Variants in TMPRSS11F observed in about 807,000 individuals in gnomAD.
The protein encoded by TMPRSS11F is transmembrane serine protease 11F, also known as transmembrane protease serine 11F.
In TMPRSS11F, 47 loss-of-function variants were observed where a neutral mutation model predicts 60.2. That is an observed-to-expected ratio of 0.78 (90% CI 0.62 to 1.00). The LOEUF (loss-of-function observed/expected upper bound fraction) is 1.00, where lower values mean the gene tolerates loss of function less well. TMPRSS11F is among the 50% of genes least tolerant of loss of function. The pLI, the probability that TMPRSS11F is intolerant of heterozygous loss-of-function variation, is 0.00. For synonymous variants in TMPRSS11F, 166 were observed against 167.3 expected, an observed-to-expected ratio of 0.99 and a Z score of 0.06; for missense variants, 519 against 522.9, an observed-to-expected ratio of 0.99 and a Z score of 0.07.
intron 5 of TMPRSS11F, among the ~76,000 whole-genome samples, chr4:68,070,824 A>G (rs1251277628): frequency 1.3e-5 from 2 of 152,222 alleles, no homozygotes; most frequent in Admixed American, 6.5e-5. Flanking sequence ...CTTCTCCCCA[A>G]AAAGGGATGC....
intron 3 of TMPRSS11F, among the ~76,000 whole-genome samples, chr4:68,085,315 C>G (rs1413892790): frequency 6.6e-6 from 1 of 151,688 alleles, no homozygotes; most frequent in Non-Finnish European, 1.5e-5. Context: ...GCCACACTGA[C>G]TTCCACAATG....
At position 68,072,316 on chromosome 4, in the gene TMPRSS11F, GACTT is replaced by G. The variant is rs771081811; in HGVS notation, c.514+3_514+6del. 23 of 1,507,392 alleles carry G rather than the reference GACTT, an allele frequency of 1.5e-5. No homozygotes were observed. Among genetic ancestry groups the G allele is most frequent in the Admixed American group, 1.1e-4 (6 of 52,672 alleles). 93.4% of individuals were successfully genotyped at this position (1,507,392 alleles called of 1,614,324 possible). On this transcript the variant is annotated splice_donor_5th_base_variant and intron_variant, in intron 5 of 9. Coordinates refer to ENST00000356291, the MANE Select transcript of TMPRSS11F (RefSeq NM_207407.2). ...ACAAAAGTGGCAAATAAAAATAAAA[GACTT>G]ACGTGTGAGTCTAAATGATGGTTTG...
intron 2 of TMPRSS11F, among the ~76,000 whole-genome samples, chr4:68,091,769 C>CA (rs1553887406): frequency 1.7e-5 from 2 of 118,028 alleles, no homozygotes; most frequent in African/African-American, 6.6e-5. Flanking sequence ...CTCTCTCTCT[C>CA]TCTCTCTCTC....
At chr4:68,065,337 G>C (rs143496580) in intron 7 of TMPRSS11F, among the ~76,000 whole-genome samples, 1 of 152,164 alleles carries the variant, frequency 6.6e-6, no homozygotes, top group African/African-American at 2.4e-5. Context: ...TTATTTTACT[G>C]GTTTTACTGT....
At chr4:68,094,053 A>G (rs113632816) in intron 2 of TMPRSS11F, among the ~76,000 whole-genome samples, 26,449 of 105,984 alleles carry the variant, frequency 0.25, 3,793 homozygotes, top group Non-Finnish European at 0.37. Flanking sequence ...TACTGGGTAT[A>G]TACCCAAATG....
chr4:68,069,156 C>T (rs1248554784), intron 6 of TMPRSS11F, among the ~76,000 whole-genome samples: 1 of 152,004 alleles, frequency 6.6e-6, no homozygotes, highest in Non-Finnish European at 1.5e-5. Flanking sequence ...GAAAATTAAG[C>T]CTTGAAGAGG....
chr4:68,088,740 T>C (rs953721941), intron 3 of TMPRSS11F, among the ~76,000 whole-genome samples: 1 of 152,034 alleles, frequency 6.6e-6, no homozygotes, highest in Non-Finnish European at 1.5e-5. Context: ...TTAAAATTAG[T>C]AGCATTTTAA....
At chr4:68,107,959 T>C (rs1388355294) in intron 1 of TMPRSS11F, among the ~76,000 whole-genome samples, 1 of 152,058 alleles carries the variant, frequency 6.6e-6, no homozygotes, top group Non-Finnish European at 1.5e-5. Context: ...AGAACCACTT[T>C]GGAGTTTTGA....
chr4:68,078,949 T>G (rs10012085), intron 3 of TMPRSS11F, among the ~76,000 whole-genome samples: 2,057 of 151,800 alleles, frequency 0.014, 34 homozygotes, highest in African/African-American at 0.046. Context: ...GGGGAAGGAT[T>G]AGGAGTCTTA....
chr4:68,097,129 T>C (rs955985178), intron 2 of TMPRSS11F, among the ~76,000 whole-genome samples: 2 of 152,358 alleles, frequency 1.3e-5, no homozygotes, highest in South Asian at 2.1e-4. Context: ...CAGGAAAGAC[T>C]TGGAGATAGA....
rs183655590 is a variant in TMPRSS11F, at chr4:68,100,446, G to A, written c.12-1408C>T. ...AGAGGTCATATTGATGGTCCAGGAA[G>A]GAGACTGTGAGGACCTGAACTGAGG... On this transcript the variant is annotated intron_variant, in intron 1 of 9. Coordinates refer to ENST00000356291, the MANE Select transcript of TMPRSS11F (RefSeq NM_207407.2). Among the ~76,000 whole-genome samples the A allele has an allele frequency of 8.9e-4, 135 of 152,260 alleles. 1 individual carries two copies. Among genetic ancestry groups the A allele is most frequent in the African/African-American group, 3.2e-3 (132 of 41,546 alleles).
chr4:68,117,293 C>T (rs1264650829), intron 1 of TMPRSS11F, among the ~76,000 whole-genome samples: 3 of 151,546 alleles, frequency 2.0e-5, no homozygotes, highest in Non-Finnish European at 1.5e-5. Context: ...CGGTGAAACC[C>T]CGTCTCTACT....
chr4:68,088,587 T>C (rs1251649234), intron 3 of TMPRSS11F, among the ~76,000 whole-genome samples: 1 of 152,012 alleles, frequency 6.6e-6, no homozygotes, highest in Non-Finnish European at 1.5e-5. Flanking sequence ...CAACAGAATA[T>C]ACATTTTTTT....
At chr4:68,085,618 A>T (rs1383458611) in intron 3 of TMPRSS11F, among the ~76,000 whole-genome samples, 1 of 152,230 alleles carries the variant, frequency 6.6e-6, no homozygotes, top group Non-Finnish European at 1.5e-5. Context: ...TTTAAAAGGC[A>T]TACAGTGGCA....
At chr4:68,066,678 A>G (rs901983046) in intron 7 of TMPRSS11F, among the ~76,000 whole-genome samples, 2 of 152,116 alleles carry the variant, frequency 1.3e-5, no homozygotes, top group African/African-American at 2.4e-5. Context: ...GTTCACGCCT[A>G]TAATCCCAGC....
intron 3 of TMPRSS11F, among the ~76,000 whole-genome samples, chr4:68,081,782 C>G (rs926840006): frequency 2.0e-5 from 3 of 152,014 alleles, no homozygotes; most frequent in Non-Finnish European, 4.4e-5. Context: ...CAAACTCTAC[C>G]ACACGTATGG....
chr4:68,095,379 A>G (rs978259757), intron 2 of TMPRSS11F, among the ~76,000 whole-genome samples: 2 of 152,178 alleles, frequency 1.3e-5, no homozygotes, highest in African/African-American at 2.4e-5. Flanking sequence ...GCACTTCACA[A>G]TAGCAGAAAA....
chr4:68,096,203 A>T (rs1177654119), intron 2 of TMPRSS11F, among the ~76,000 whole-genome samples: 1 of 152,152 alleles, frequency 6.6e-6, no homozygotes, highest in Non-Finnish European at 1.5e-5. Context: ...CCTCAAAAAA[A>T]TACGTACAAT....
intron 3 of TMPRSS11F, among the ~76,000 whole-genome samples, chr4:68,086,989 T>C (rs1318357100): frequency 3.9e-5 from 6 of 151,932 alleles, no homozygotes; most frequent in African/African-American, 1.5e-4. Context: ...TCCCAAAAAA[T>C]CAGGAAGAAA....
Sources: gnomAD v4.1 joint callset for allele counts (sites outside exome capture counted in the v4.1 genomes callset) on GRCh38, gnomAD v4.1.1 for gene constraint, MANE v1.5 for transcripts, NCBI Gene and HGNC (gene_info 2026-07-23, HGNC 2026-07-21) for gene names.